The following STAP1 variants were observed in gnomAD, a reference collection of about 807,000 sequenced individuals.
The protein encoded by STAP1 is signal-transducing adaptor protein 1.
In STAP1, 30 loss-of-function variants were observed where a neutral mutation model predicts 37.8. The observed-to-expected ratio is 0.79, with a 90% CI of 0.59 to 1.08. The LOEUF (loss-of-function observed/expected upper bound fraction) is 1.08, where lower values mean the gene tolerates loss of function less well. Ranked by LOEUF, STAP1 falls within the 50% of genes least tolerant of loss-of-function variation. STAP1 has a pLI of 0.00. For synonymous variants in STAP1, 130 were observed against 116.0 expected (o/e 1.12, Z -0.78); for missense variants, 357 against 349.4 (o/e 1.02, Z -0.17).
At chr4:67,581,256 A>C in intron 4 of STAP1, 49 bp from the exon 5 acceptor site, 1 of 1,572,682 alleles carries the variant, frequency 6.4e-7, no homozygotes, top group Non-Finnish European at 8.6e-7. Flanking sequence ...CTAAAGTTAT[A>C]AGTTATTAAG....
intron 1 of STAP1, among the ~76,000 whole-genome samples, chr4:67,566,288 A>C (rs1727469679): frequency 6.6e-6 from 1 of 152,110 alleles, no homozygotes; most frequent in Admixed American, 6.6e-5. Context: ...CTCTTTTATT[A>C]GAATTTTTCT....
intron 6 of STAP1, among the ~76,000 whole-genome samples, chr4:67,584,254 C>T (rs1727933131): frequency 6.6e-6 from 1 of 152,016 alleles, no homozygotes; most frequent in African/African-American, 2.4e-5. Context: ...TCATTCAATT[C>T]AACAAATATT....
At chr4:67,605,010 G>A (rs1347664269) in intron 8 of STAP1, among the ~76,000 whole-genome samples, 1 of 152,156 alleles carries the variant, frequency 6.6e-6, no homozygotes, top group African/African-American at 2.4e-5. Context: ...CCTGGAATTT[G>A]TGTCACTTCA....
In STAP1 at chr4:67,606,735, C is replaced by G. The variant is rs1054857841; in HGVS notation, c.*378C>G. The G allele has an allele frequency of 2.5e-5, 4 of 158,894 alleles. No homozygotes were observed. Among genetic ancestry groups the G allele is most frequent in the Non-Finnish European group, 5.5e-5 (4 of 72,828 alleles). The allele number at this position is 158,894 out of a possible 1,614,324, so 9.8% of individuals were successfully genotyped here. A position where few individuals can be genotyped will look rare whatever the true frequency, so the allele number is the denominator to read the frequency against. On this transcript the variant is annotated 3_prime_UTR_variant, in exon 9 of 9. Coordinates refer to ENST00000265404, the MANE Select transcript of STAP1 (RefSeq NM_012108.4). ...TAAATTTTACCAATTCCCAAAAAAC[C>G]TAAGTTTTGCTGAAATCTGATTTGA...
intron 2 of STAP1, among the ~76,000 whole-genome samples, chr4:67,572,405 C>T (rs186219233): frequency 1.3e-5 from 2 of 151,904 alleles, no homozygotes; most frequent in East Asian, 1.9e-4. Context: ...GAGATGACTG[C>T]CTTAAGGAGA....
chr4:67,575,586 A>G, intron 3 of STAP1, 88 bp downstream of exon 3: 1 of 932,602 alleles, frequency 1.1e-6, no homozygotes, highest in Non-Finnish European at 1.7e-6. Flanking sequence ...GAGAAATTGT[A>G]AGACAGGCTA....
chr4:67,605,928 T>A (rs1161085185), intron 8 of STAP1, among the ~76,000 whole-genome samples: 1 of 152,170 alleles, frequency 6.6e-6, no homozygotes, highest in Non-Finnish European at 1.5e-5. Context: ...ATTTTTTTGA[T>A]CCCTGTTAAC....
intron 1 of STAP1, among the ~76,000 whole-genome samples, chr4:67,559,854 T>C (rs1455861059): frequency 6.6e-6 from 1 of 152,158 alleles, no homozygotes; most frequent in Non-Finnish European, 1.5e-5. Context: ...AAATCTATAA[T>C]AGCATATTCA....
At chr4:67,591,231 A>G (rs1560465334) in intron 7 of STAP1, among the ~76,000 whole-genome samples, 1 of 152,226 alleles carries the variant, frequency 6.6e-6, no homozygotes, top group Non-Finnish European at 1.5e-5. Context: ...ACATTCTCCA[A>G]TTATAAATCT....
chr4:67,575,393 C>A lies in STAP1; in HGVS notation c.201C>A (p.Asp67Glu). The change falls in exon 3 of 9, where the codon GAC (aspartate) becomes GAA (glutamate). Residue 67 changes from aspartate to glutamate, a missense_variant. Asp to Glu is a conservative substitution (Grantham distance 45). Coordinates refer to ENST00000265404, the MANE Select transcript of STAP1 (RefSeq NM_012108.4). ...YTDKKSIIYV[D>E]KLDIVDLTCL... ...TTCCTTTATCTTTGCAGTATGTTGACAAATTAGACATAGTAGACCTCACAT... is the reference window on the plus strand; with the variant it reads ...TTCCTTTATCTTTGCAGTATGTTGAAAAATTAGACATAGTAGACCTCACAT... 6.3e-7 allele frequency: 1 copy of A among 1,583,938 alleles called. No individual in the cohort carries two copies. The highest frequency in any genetic ancestry group is 8.5e-7 in the Non-Finnish European group (1 of 1,170,384).
intron 1 of STAP1, among the ~76,000 whole-genome samples, chr4:67,563,984 C>A (rs1027323351): frequency 6.7e-6 from 1 of 150,266 alleles, no homozygotes; most frequent in Non-Finnish European, 1.5e-5. Flanking sequence ...AAAGATATGT[C>A]CTTCCAAATT....
intron 1 of STAP1, among the ~76,000 whole-genome samples, chr4:67,569,939 C>T (rs1264628731): frequency 6.6e-6 from 1 of 152,116 alleles, no homozygotes; most frequent in Non-Finnish European, 1.5e-5. Context: ...CCATGTTGTT[C>T]AGGCTGGTCT....
chr4:67,573,289 T>C (rs1479658760), intron 2 of STAP1, among the ~76,000 whole-genome samples: 1 of 152,180 alleles, frequency 6.6e-6, no homozygotes, highest in Admixed American at 6.5e-5. Flanking sequence ...ATGAGTTCCA[T>C]GTTAGAGATG....
chr4:67,591,763 G>T (rs535507629), intron 7 of STAP1, among the ~76,000 whole-genome samples: 89 of 152,210 alleles, frequency 5.8e-4, no homozygotes, highest in African/African-American at 2.1e-3. Flanking sequence ...TTTATATTTT[G>T]GTCATAATTC....
At chr4:67,590,614 A>C (rs750862076) in intron 6 of STAP1, among the ~76,000 whole-genome samples, 1 of 152,086 alleles carries the variant, frequency 6.6e-6, no homozygotes, top group Admixed American at 6.5e-5. Flanking sequence ...TTAATTCTTG[A>C]TTCCTTTTTT....
intron 1 of STAP1, among the ~76,000 whole-genome samples, chr4:67,561,489 TA>T (rs1351110396): frequency 8.5e-5 from 13 of 152,178 alleles, no homozygotes; most frequent in African/African-American, 3.1e-4. Context: ...GGGGCACTTT[TA>T]AGTATTTAAA....
At chr4:67,593,141 A>T in intron 7 of STAP1, 119 bp from the exon 8 acceptor site, 1 of 650,972 alleles carries the variant, frequency 1.5e-6, no homozygotes, top group Non-Finnish European at 2.6e-6. Context: ...CTATGGTCAT[A>T]CAGTAAGCCA....
At chr4:67,605,975 CAA>C (rs1728441105) in intron 8 of STAP1, among the ~76,000 whole-genome samples, 1 of 151,940 alleles carries the variant, frequency 6.6e-6, no homozygotes, top group Non-Finnish European at 1.5e-5. Context: ...CACCAGAAGA[CAA>C]GAGCAATAAT....
chr4:67,590,452 A>G (rs1323000663), intron 6 of STAP1, among the ~76,000 whole-genome samples: 1 of 152,188 alleles, frequency 6.6e-6, no homozygotes, highest in Non-Finnish European at 1.5e-5. Flanking sequence ...GTGACAATGT[A>G]GGGTAGAAAG....
Sources: allele counts gnomAD v4.1 joint callset (sites outside exome capture counted in the v4.1 genomes callset), GRCh38; gene constraint gnomAD v4.1.1; transcripts MANE v1.5; gene names NCBI Gene and HGNC (gene_info 2026-07-23, HGNC 2026-07-21).